MCCC2: variants seen among roughly 807,000 people sequenced by gnomAD.
MCCC2 encodes methylcrotonoyl-CoA carboxylase beta chain, mitochondrial.
A neutral mutation model predicts 77.2 loss-of-function variants in MCCC2; 52 were observed. The observed-to-expected ratio is 0.67, with a 90% CI of 0.54 to 0.85. MCCC2 has a LOEUF of 0.85. Ranked by LOEUF, MCCC2 falls within the 40% of genes least tolerant of loss-of-function variation. MCCC2 has a pLI of 0.00. For missense variants in MCCC2, 682 were observed against 703.2 expected (o/e 0.97, Z 0.34); for synonymous variants, 253 against 248.4 (o/e 1.02, Z -0.18).
chr5:71,651,525 A>G (rs1056976461), intron 15 of MCCC2, among the ~76,000 whole-genome samples: 1 of 152,192 alleles, frequency 6.6e-6, no homozygotes, highest in South Asian at 2.1e-4. Context: ...CTGTTGTCTC[A>G]TTATGGGAAG....
At chr5:71,650,666 TG>T in intron 15 of MCCC2, among the ~76,000 whole-genome samples, 1 of 151,990 alleles carries the variant, frequency 6.6e-6, no homozygotes, top group East Asian at 2.0e-4. Context: ...TATTTATTTT[TG>T]AGACAGAGTC....
At chr5:71,653,655 G>A (rs1176183222) in intron 16 of MCCC2, among the ~76,000 whole-genome samples, 1 of 151,960 alleles carries the variant, frequency 6.6e-6, no homozygotes, top group Non-Finnish European at 1.5e-5. Flanking sequence ...TTCGAAACTA[G>A]CGGGGCAACA....
At chr5:71,624,175 AG>A (rs565290189) in intron 6 of MCCC2, among the ~76,000 whole-genome samples, 44 of 152,100 alleles carry the variant, frequency 2.9e-4, no homozygotes, top group African/African-American at 1.1e-3. Flanking sequence ...TCCCATGGGG[AG>A]GGGGGGCCCT....
chr5:71,598,910 C>G (rs564119205), intron 3 of MCCC2, among the ~76,000 whole-genome samples: 46 of 151,492 alleles, frequency 3.0e-4, no homozygotes, highest in South Asian at 8.3e-4. Flanking sequence ...TGCCATCATG[C>G]CCAGCTGTGT....
chr5:71,603,494 T>C (rs999983395), intron 5 of MCCC2, among the ~76,000 whole-genome samples: 2 of 151,938 alleles, frequency 1.3e-5, no homozygotes, highest in African/African-American at 4.8e-5. Flanking sequence ...ACGTTGTTCA[T>C]GTATGCAGGT....
intron 6 of MCCC2, among the ~76,000 whole-genome samples, chr5:71,623,292 C>T (rs907237622): frequency 6.6e-5 from 10 of 152,150 alleles, no homozygotes; most frequent in African/African-American, 2.4e-4. Context: ...GGAGTCTGGG[C>T]GCAGTGTAGC....
At chr5:71,604,309 ACATTTAGTT>A (rs769717191) in intron 5 of MCCC2, 38 bp from the exon 6 acceptor site, 2 of 1,490,094 alleles carry the variant, frequency 1.3e-6, no homozygotes, top group African/African-American at 2.8e-5. Flanking sequence ...TCTGCGTAGC[ACATTTAGTT>A]CATAGAGATG....
intron 5 of MCCC2, 182 bp downstream of exon 5, chr5:71,602,815 A>C: frequency 1.2e-6 from 1 of 827,684 alleles, no homozygotes; most frequent in Non-Finnish European, 1.9e-6. Context: ...AGAACTGTTC[A>C]TAGTACTAGT....
At chr5:71,611,088 G>A (rs967021603) in intron 6 of MCCC2, among the ~76,000 whole-genome samples, 1 of 151,852 alleles carries the variant, frequency 6.6e-6, no homozygotes, top group Non-Finnish European at 1.5e-5. Flanking sequence ...TCTGATATAT[G>A]TATGAAGAGA....
At chr5:71,649,793 A>T (rs1434760652) in intron 14 of MCCC2, among the ~76,000 whole-genome samples, 2 of 152,204 alleles carry the variant, frequency 1.3e-5, no homozygotes, top group Admixed American at 6.5e-5. Flanking sequence ...CAGGAATGGA[A>T]AAAAGGACAT....
chr5:71,636,571 C>T (rs1178882961), intron 10 of MCCC2: 1 of 151,922 alleles, frequency 6.6e-6, no homozygotes, highest in African/African-American at 2.4e-5. Flanking sequence ...CGTGGTAGCA[C>T]ATGCCTGTAA....
chr5:71,600,320 T>C (rs1168139804), intron 4 of MCCC2, among the ~76,000 whole-genome samples: 1 of 152,206 alleles, frequency 6.6e-6, no homozygotes, highest in Non-Finnish European at 1.5e-5. Flanking sequence ...ATAAATTCTT[T>C]CTTTTTTCCT....
At chr5:71,633,716 T>C (rs1026441652) in intron 8 of MCCC2, among the ~76,000 whole-genome samples, 1 of 152,200 alleles carries the variant, frequency 6.6e-6, no homozygotes, top group African/African-American at 2.4e-5. Flanking sequence ...GCTGTTTTGG[T>C]AAATACTAGA....
chr5:71,633,124 TA>T lies in MCCC2; in HGVS notation c.803+940del, dbSNP rs58052567. On this transcript the variant is annotated intron_variant, in intron 8 of 16. Coordinates refer to ENST00000340941, the MANE Select transcript of MCCC2 (RefSeq NM_022132.5). ...ATATATATATATATATATATATATA[TA>T]TATATATTTTTATTTTTTGTAGAAA... is the stretch of plus-strand genomic sequence containing the variant. 2.0e-3 allele frequency among the ~76,000 whole-genome samples: 162 copies of T among 80,636 alleles called. 7 individuals carry two copies. The highest frequency in any genetic ancestry group is 6.0e-3 in the African/African-American group (137 of 22,758). The allele number at this position is 80,636 out of a possible 152,430, so 52.9% of individuals were successfully genotyped here.
intron 3 of MCCC2, among the ~76,000 whole-genome samples, chr5:71,598,389 C>A (rs1745277962): frequency 6.6e-6 from 1 of 151,344 alleles, no homozygotes; most frequent in Non-Finnish European, 1.5e-5. Flanking sequence ...GTTTCTAAAG[C>A]CTTTAGAAGA....
chr5:71,652,742 ATTC>A lies in MCCC2; in HGVS notation c.1563_1565del (p.Ser523del). ...TTTGAAGAGGAAGGAAACCCTTACT[ATTC>A]CAGCGCAAGGTGGGGGCCAGAACAT... On this transcript the variant is annotated inframe_deletion, in exon 16 of 17. Coordinates refer to ENST00000340941, the MANE Select transcript of MCCC2 (RefSeq NM_022132.5). 6.2e-7 allele frequency: 1 copy of A among 1,614,172 alleles called. No homozygotes were observed. The highest frequency in any genetic ancestry group is 8.5e-7 in the Non-Finnish European group (1 of 1,180,008).
chr5:71,626,875 C>A, intron 7 of MCCC2, 122 bp downstream of exon 7: 1 of 935,324 alleles, frequency 1.1e-6, no homozygotes, highest in East Asian at 2.6e-5. Context: ...ATAAAACTTA[C>A]TGTTGTAACC....
At chr5:71,653,884 A>G (rs1205343847) in intron 16 of MCCC2, among the ~76,000 whole-genome samples, 1 of 150,916 alleles carries the variant, frequency 6.6e-6, no homozygotes, top group Admixed American at 6.6e-5. Flanking sequence ...GTTAGAGTCC[A>G]TTACAATCAT....
chr5:71,646,315 C>G, intron 13 of MCCC2, 38 bp downstream of exon 13: 3 of 1,575,530 alleles, frequency 1.9e-6, no homozygotes, highest in Non-Finnish European at 2.6e-6. Flanking sequence ...TGTATTGATT[C>G]CAGAGCTGTA....
Sources: gnomAD v4.1 joint callset for allele counts (sites outside exome capture counted in the v4.1 genomes callset) on GRCh38, gnomAD v4.1.1 for gene constraint, MANE v1.5 for transcripts, NCBI Gene and HGNC (gene_info 2026-07-23, HGNC 2026-07-21) for gene names.